SLC6A7: variants seen among roughly 807,000 people sequenced by gnomAD.
SLC6A7 encodes the protein sodium-dependent proline transporter.
Under a neutral mutation model 73.1 loss-of-function variants are expected in SLC6A7, and 58 were observed. That is an observed-to-expected ratio of 0.79 (90% CI 0.64 to 0.99). SLC6A7 has a LOEUF of 0.99. SLC6A7 is among the 50% of genes least tolerant of loss of function. The probability of loss-of-function intolerance (pLI) is 0.00; values close to 1 mark genes in which losing one functional copy is unlikely to be tolerated. For missense variants in SLC6A7, 783 were observed against 831.4 expected, an observed-to-expected ratio of 0.94 and a Z score of 0.72; for synonymous variants, 338 against 338.7, an observed-to-expected ratio of 1.00 and a Z score of 0.02.
chr5:150,203,821 GT>G lies in SLC6A7; in HGVS notation c.1200+43del, dbSNP rs113546946. ...GCAGCAGGCACCCCGTGTGTGTGTG[GT>G]GTGTGTGTGTGTGTGTGTGTGTGTG... On this transcript the variant is annotated intron_variant, in intron 9 of 13. Transcript: ENST00000230671. 4.7e-3 allele frequency: 1,863 copies of G among 400,256 alleles called. 28 individuals are homozygous for G. The African/African-American group carries it at 0.11, about 24-fold the overall frequency. 24.8% of individuals were successfully genotyped at this position (400,256 alleles called of 1,614,324 possible).
Position 150,190,438 on chromosome 5 carries a change from G to A in SLC6A7, c.33+78G>A. On this transcript the variant is annotated intron_variant, in intron 1 of 13. Transcript: ENST00000230671. ...GACCCGCCCCCAACGAGGCCCCTGG[G>A]GAAGGTCTGAGGATGCACCCAGACC... 5.6e-6 allele frequency: 6 copies of A among 1,065,000 alleles called. No individual in the cohort carries two copies. The South Asian group carries it at 1.0e-4, about 18-fold the overall frequency. The allele number at this position is 1,065,000 out of a possible 1,614,324, so 66.0% of individuals were successfully genotyped here.
In SLC6A7 at chr5:150,209,912, G is replaced by A. The variant is rs1753889724; in HGVS notation, c.*297G>A. On this transcript the variant is annotated 3_prime_UTR_variant, in exon 14 of 14. Coordinates refer to ENST00000230671, the MANE Select transcript of SLC6A7 (RefSeq NM_014228.5). Reference sequence around the variant, plus strand: ...CCAGGAGGGGAGGGACTTGCCCCAGGTCGCATGGCAGAGGGGACTTGAACC... The same window carrying A: ...CCAGGAGGGGAGGGACTTGCCCCAGATCGCATGGCAGAGGGGACTTGAACC... 2.4e-6 allele frequency: 1 copy of A among 424,410 alleles called. No individual in the cohort carries two copies. The highest frequency in any genetic ancestry group is 2.5e-5 in the South Asian group (1 of 39,840). The allele number at this position is 424,410 out of a possible 1,614,324, so 26.3% of individuals were successfully genotyped here.
rs201984148 is a variant in SLC6A7 at position 150,204,644 on chromosome 5, G to A, written c.1432+13G>A. ...ACACGGGTGTATGGTGAGAAGAGCC[G>A]TGGGAAGTGGAGTCGAGCTCTCCGC... On this transcript the variant is annotated intron_variant, in intron 11 of 13. Transcript: ENST00000230671. 2.7e-5 allele frequency: 43 copies of A among 1,581,148 alleles called. 1 individual carries two copies. In the African/African-American group the frequency reaches 3.0e-4, roughly 11 times the overall value.
chr5:150,205,493 C>T lies in SLC6A7; in HGVS notation c.1571C>T (p.Ser524Leu). The change falls in exon 13 of 14, where the codon TCG (serine) becomes TTG (leucine). Residue 524 changes from serine to leucine, a missense_variant. Ser to Leu is a moderately radical substitution (Grantham distance 145). Transcript: ENST00000230671. ...MVYSIVKYQP[S>L]EYGSYRFPPW... is the part of the protein sequence containing the mutation. The stretch of plus-strand genomic sequence containing the variant: ...TATAGCATCGTCAAGTACCAGCCCT[C>T]GGAGTATGGCAGTTACCGCTTCCCG... The T allele has an allele frequency of 3.1e-6, 5 of 1,612,606 alleles. No individual in the cohort carries two copies. The highest frequency in any genetic ancestry group is 1.1e-5 in the South Asian group (1 of 90,818).
Position 150,202,623 on chromosome 5 carries a change from T to C in SLC6A7, c.1007T>C (p.Leu336Pro), listed in dbSNP as rs753569870. The C allele has an allele frequency of 6.2e-7, 1 of 1,614,224 alleles. No individual in the cohort carries two copies. Among genetic ancestry groups the C allele is most frequent in the South Asian group, 1.1e-5 (1 of 91,090 alleles). Residue 336 changes from leucine to proline, a missense_variant, in exon 8 of 14, where the codon CTG becomes CCG. Physicochemically the swap from Leu to Pro is moderately conservative, Grantham distance 98 (BLOSUM62 -3). Transcript: ENST00000230671. The part of the protein sequence containing the change: ...VTLGNAITSI[L>P]AGFAIFSVLG... ...CTGGGCAACGCCATCACCAGCATCCTGGCTGGCTTTGCCATCTTCTCCGTG... is the reference window on the plus strand; with the variant it reads ...CTGGGCAACGCCATCACCAGCATCCCGGCTGGCTTTGCCATCTTCTCCGTG...
chr5:150,194,438 A>T (rs1392509770), intron 1 of SLC6A7, among the ~76,000 whole-genome samples: 1 of 151,910 alleles, frequency 6.6e-6, no homozygotes, highest in Non-Finnish European at 1.5e-5. Context: ...CAATTAAAAA[A>T]AAAAAAAAAA....
Position 150,209,868 on chromosome 5 carries a change from G to T in SLC6A7, c.*253G>T, listed in dbSNP as rs909829983. 2 of 534,584 alleles carry T rather than the reference G, an allele frequency of 3.7e-6. No individual in the cohort carries two copies. Among genetic ancestry groups the T allele is most frequent in the African/African-American group, 1.9e-5 (1 of 52,712 alleles). 33.1% of individuals were successfully genotyped at this position (534,584 alleles called of 1,614,324 possible). Reference sequence around the variant, plus strand: ...GAATGATCCAACTCAGCCCTACTTTGCGGATGGACATATTAAGGCCAGGAG... The same window carrying T: ...GAATGATCCAACTCAGCCCTACTTTTCGGATGGACATATTAAGGCCAGGAG... On this transcript the variant is annotated 3_prime_UTR_variant, in exon 14 of 14. Transcript: ENST00000230671.
rs1388190658 is a variant in SLC6A7 at position 150,205,545 on chromosome 5, G to T, written c.1623G>T (p.Leu541=). ...CCTGGGCTGAGCTGCTGGGCATCCT[G>T]ATGGGCCTGCTGTCCTGCCTCATGA... ...FPPWAELLGI[L]MGLLSCLMIP... is the part of the protein sequence containing the mutation. The change falls in exon 13 of 14, where the codon CTG becomes CTT. Residue 541 remains leucine, a synonymous_variant. Coordinates refer to ENST00000230671, the MANE Select transcript of SLC6A7 (RefSeq NM_014228.5). 1.2e-6 allele frequency: 2 copies of T among 1,613,580 alleles called. No homozygotes were observed. Among genetic ancestry groups the T allele is most frequent in the East Asian group, 2.2e-5 (1 of 44,880 alleles).
chr5:150,205,450 C>G lies in SLC6A7; in HGVS notation c.1534-6C>G. On this transcript the variant is annotated splice_polypyrimidine_tract_variant and splice_region_variant and intron_variant, in intron 12 of 13. Coordinates refer to ENST00000230671, the MANE Select transcript of SLC6A7 (RefSeq NM_014228.5). ...CGCAGTGATGCTGGGAGTCCCCACT[C>G]TGCAGGCCCTCATGGTGTATAGCAT... is the stretch of plus-strand genomic sequence containing the variant. The G allele has an allele frequency of 6.3e-7, 1 of 1,585,402 alleles. No homozygotes were observed. Among genetic ancestry groups the G allele is most frequent in the Non-Finnish European group, 8.6e-7 (1 of 1,164,264 alleles).
At chr5:150,200,652 TAGAA>T (rs552723438) in intron 5 of SLC6A7, among the ~76,000 whole-genome samples, 70 of 152,060 alleles carry the variant, frequency 4.6e-4, no homozygotes, top group Middle Eastern at 3.4e-3. Context: ...AGAAACCATA[TAGAA>T]AGAGAGAAGA....
At chr5:150,190,470 G>C in intron 1 of SLC6A7, 110 bp downstream of exon 1, 1 of 707,712 alleles carries the variant, frequency 1.4e-6, no homozygotes, top group South Asian at 2.3e-5. Context: ...GACCAGCTTC[G>C]GGCTCTGGGG....
rs780125035 is a variant in SLC6A7, at chr5:150,211,010, C to T, written c.*1395C>T. On this transcript the variant is annotated 3_prime_UTR_variant, in exon 14 of 14. Transcript: ENST00000230671. Reference sequence around the variant, plus strand: ...TCTCTGCCTGTCTCTCGCTGCGTCCCCCCAACCCCTTGTGTTCTATTGGTT... The same window carrying T: ...TCTCTGCCTGTCTCTCGCTGCGTCCTCCCAACCCCTTGTGTTCTATTGGTT... 1.7e-4 allele frequency: 26 copies of T among 152,756 alleles called. No individual in the cohort carries two copies. The highest frequency in any genetic ancestry group is 3.4e-4 in the Non-Finnish European group (23 of 68,378). The allele number at this position is 152,756 out of a possible 1,614,324, so 9.5% of individuals were successfully genotyped here. A position where few individuals can be genotyped will look rare whatever the true frequency, so the allele number is the denominator to read the frequency against.
At chr5:150,194,511 G>A (rs774555288) in intron 1 of SLC6A7, among the ~76,000 whole-genome samples, 2 of 151,916 alleles carry the variant, frequency 1.3e-5, no homozygotes, top group Admixed American at 6.6e-5. Context: ...CTTTGTTAGT[G>A]CCTAAGCTAC....
At chr5:150,204,111 A>C in intron 10 of SLC6A7, 73 bp downstream of exon 10, 1 of 1,474,684 alleles carries the variant, frequency 6.8e-7, no homozygotes, top group Non-Finnish European at 9.3e-7. Context: ...TCTCTGGCCC[A>C]GCTGAGCAGT....
intron 13 of SLC6A7, among the ~76,000 whole-genome samples, chr5:150,207,941 G>T (rs1442941227): frequency 1.3e-5 from 2 of 151,522 alleles, no homozygotes; most frequent in African/African-American, 4.9e-5. Flanking sequence ...GGAGGGGAGA[G>T]GGATACAAGG....
At chr5:150,202,731 G>T (rs1277315321) in intron 8 of SLC6A7, 28 bp downstream of exon 8, 2 of 1,611,940 alleles carry the variant, frequency 1.2e-6, no homozygotes, top group African/African-American at 1.3e-5. Context: ...CCTCAGTGGG[G>T]TGAGCATGTG....
At chr5:150,198,251 G>T (rs1473882432) in intron 4 of SLC6A7, among the ~76,000 whole-genome samples, 4 of 152,160 alleles carry the variant, frequency 2.6e-5, no homozygotes, top group African/African-American at 9.7e-5. Context: ...AAAATAGCCT[G>T]GTCCCTAGGT....
intron 2 of SLC6A7, among the ~76,000 whole-genome samples, chr5:150,196,067 A>T (rs1753003963): frequency 6.6e-6 from 1 of 152,240 alleles, no homozygotes. Context: ...ATTGCAGGGA[A>T]GGCCTCTGAT....
At chr5:150,190,998 T>C (rs9324642) in intron 1 of SLC6A7, among the ~76,000 whole-genome samples, 10,555 of 152,122 alleles carry the variant, frequency 0.069, 405 homozygotes, top group Middle Eastern at 0.099. Flanking sequence ...GGCCCAGACC[T>C]CAGGCTCTCC....
Sources: allele counts gnomAD v4.1 joint callset (sites outside exome capture counted in the v4.1 genomes callset), GRCh38; gene constraint gnomAD v4.1.1; transcripts MANE v1.5; gene names NCBI Gene and HGNC (gene_info 2026-07-23, HGNC 2026-07-21).